Variants in CALM2 observed in about 807,000 individuals in gnomAD.
The protein encoded by CALM2 is calmodulin 2.
A neutral mutation model predicts 19.8 loss-of-function variants in CALM2; 2 were observed. The ratio of observed to expected loss-of-function variants is 0.10; its 90% CI spans 0.04 to 0.32. CALM2 has a LOEUF of 0.32. Ranked by LOEUF, CALM2 falls within the 10% of genes least tolerant of loss-of-function variation. CALM2 has a pLI of 1.00. For synonymous variants in CALM2, 51 were observed against 52.1 expected, an observed-to-expected ratio of 0.98 and a Z score of 0.09; for missense variants, 38 against 178.7, an observed-to-expected ratio of 0.21 and a Z score of 4.49.
At position 47,162,508 on chromosome 2, in the gene CALM2, TGAA is replaced by T; in HGVS notation, c.178+8_178+10del. ...TCAACCCCTCCCAGCCCCACAAAAT[TGAA>T]GACTTACCATCAGCATCTACTTCAT... On this transcript the variant is annotated splice_region_variant and intron_variant, in intron 3 of 5. Coordinates refer to ENST00000272298, the MANE Select transcript of CALM2 (RefSeq NM_001743.6). 1 of 1,614,100 alleles carries T rather than the reference TGAA, an allele frequency of 6.2e-7. No individual in the cohort carries two copies. The highest frequency in any genetic ancestry group is 1.6e-4 in the Middle Eastern group (1 of 6,062).
At chr2:47,169,626 T>A (rs1418074630) in intron 2 of CALM2, among the ~76,000 whole-genome samples, 2 of 152,102 alleles carry the variant, frequency 1.3e-5, no homozygotes, top group Non-Finnish European at 2.9e-5. Context: ...ACACAATAAA[T>A]AAAAATAAAA....
At chr2:47,171,001 G>T (rs895422158) in intron 1 of CALM2, 2 of 456,994 alleles carry the variant, frequency 4.4e-6, no homozygotes, top group African/African-American at 2.0e-5. Flanking sequence ...ATATACTTTA[G>T]AATCCAATAG....
At chr2:47,161,962 T>A in intron 4 of CALM2, 104 bp from the exon 5 acceptor site, 1 of 968,650 alleles carries the variant, frequency 1.0e-6, no homozygotes, top group Non-Finnish European at 1.6e-6. Flanking sequence ...GGGAAAAACA[T>A]ACTTTAGAAA....
intron 1 of CALM2, chr2:47,172,477 A>G: frequency 8.5e-7 from 1 of 1,181,150 alleles, no homozygotes; most frequent in African/African-American, 1.6e-5. Flanking sequence ...GTTAAATGAT[A>G]ACCATTATTT....
chr2:47,170,464 G>C (rs1461915377), intron 2 of CALM2, among the ~76,000 whole-genome samples: 3 of 152,106 alleles, frequency 2.0e-5, no homozygotes, highest in African/African-American at 7.2e-5. Flanking sequence ...ACAAAACAAA[G>C]ACCACCACTA....
intron 1 of CALM2, 192 bp downstream of exon 1, chr2:47,176,249 C>T (rs1274561166): frequency 3.1e-6 from 2 of 640,486 alleles, no homozygotes; most frequent in South Asian, 2.0e-5. Flanking sequence ...AGGAAGCCCC[C>T]CTGAAGAGAA....
chr2:47,166,854 C>G (rs1666493553), intron 2 of CALM2, among the ~76,000 whole-genome samples: 1 of 152,128 alleles, frequency 6.6e-6, no homozygotes, highest in Admixed American at 6.5e-5. Context: ...CAGCTATCTT[C>G]TACATAATTG....
At chr2:47,163,461 T>G (rs1251611306) in intron 2 of CALM2, 1 of 152,080 alleles carries the variant, frequency 6.6e-6, no homozygotes, top group Non-Finnish European at 1.5e-5. Context: ...AGATGGACTT[T>G]CGCTCTTGTT....
intron 2 of CALM2, among the ~76,000 whole-genome samples, chr2:47,164,738 A>G (rs1048750535): frequency 2.6e-5 from 4 of 152,246 alleles, no homozygotes; most frequent in African/African-American, 9.6e-5. Flanking sequence ...AATGAATACA[A>G]AAAGTTTCCA....
intron 1 of CALM2, chr2:47,176,156 A>ATCCCGGACCCATCCTCC: frequency 2.1e-6 from 1 of 473,616 alleles, no homozygotes. Context: ...GCTGTCCCTC[A>ATCCCGGACCCATCCTCC]TCCCGGACCC....
Position 47,176,508 on chromosome 2 carries a change from G to T in CALM2, c.-65C>A. The T allele has an allele frequency of 6.2e-7, 1 of 1,606,318 alleles. No homozygotes were observed. Among genetic ancestry groups the T allele is most frequent in the South Asian group, 1.1e-5 (1 of 89,524 alleles). ...CCACTCAGCTCGCTCTCTCCACTCG[G>T]ACTAATTCGCCTCCTCCGCCCCCAG... is the stretch of plus-strand genomic sequence containing the variant. On this transcript the variant is annotated 5_prime_UTR_variant, in exon 1 of 6. Coordinates refer to ENST00000272298, the MANE Select transcript of CALM2 (RefSeq NM_001743.6).
intron 1 of CALM2, among the ~76,000 whole-genome samples, chr2:47,174,425 T>C (rs1368797011): frequency 1.3e-5 from 2 of 152,122 alleles, no homozygotes; most frequent in East Asian, 3.8e-4. Flanking sequence ...GCTAATTTTT[T>C]TTAATTGGAT....
At chr2:47,172,663 C>G (rs531754966) in intron 1 of CALM2, 2 of 329,588 alleles carry the variant, frequency 6.1e-6, no homozygotes, top group Non-Finnish European at 1.2e-5. Flanking sequence ...CAAGGTGCAA[C>G]CCAGCGACAG....
chr2:47,171,937 C>G (rs1666679936), intron 1 of CALM2: 1 of 145,418 alleles, frequency 6.9e-6, no homozygotes, highest in South Asian at 2.2e-4. Flanking sequence ...GTTTATTTTC[C>G]CTGCTCAACA....
rs371772393 is a variant in CALM2 at position 47,176,490 on chromosome 2, G to A, written c.-47C>T. On this transcript the variant is annotated 5_prime_UTR_variant, in exon 1 of 6. Coordinates refer to ENST00000272298, the MANE Select transcript of CALM2 (RefSeq NM_001743.6). Reference sequence around the variant, plus strand: ...CGAGACGCGACCACACAACCACTCAGCTCGCTCTCTCCACTCGGACTAATT... The same window carrying A: ...CGAGACGCGACCACACAACCACTCAACTCGCTCTCTCCACTCGGACTAATT... 1.5e-5 allele frequency: 24 copies of A among 1,612,492 alleles called. No homozygotes were observed. The highest frequency in any genetic ancestry group is 3.3e-4 in the Middle Eastern group (2 of 6,082).
At chr2:47,170,158 C>T (rs546999341) in intron 2 of CALM2, among the ~76,000 whole-genome samples, 3 of 152,246 alleles carry the variant, frequency 2.0e-5, no homozygotes, top group South Asian at 2.1e-4. Context: ...AAGATTTAAG[C>T]GGCTTCATTT....
At chr2:47,162,466 A>G (rs559299165) in intron 3 of CALM2, 53 bp downstream of exon 3, 1 of 1,611,580 alleles carries the variant, frequency 6.2e-7, no homozygotes. Flanking sequence ...TAGTGGAAAC[A>G]TCTAAGTATC....
chr2:47,172,184 T>C (rs188443164), intron 1 of CALM2: 2 of 223,104 alleles, frequency 9.0e-6, no homozygotes, highest in Non-Finnish European at 1.9e-5. Flanking sequence ...ATCTGAGTTA[T>C]TTACTTTGTA....
intron 1 of CALM2, chr2:47,172,533 T>A: frequency 1.7e-6 from 2 of 1,156,574 alleles, no homozygotes; most frequent in Non-Finnish European, 2.3e-6. Flanking sequence ...TCAACCTGAC[T>A]AGCTCAATTT....
Sources: gnomAD v4.1 joint callset for allele counts (sites outside exome capture counted in the v4.1 genomes callset) on GRCh38, gnomAD v4.1.1 for gene constraint, MANE v1.5 for transcripts, NCBI Gene and HGNC (gene_info 2026-07-23, HGNC 2026-07-21) for gene names.